Variants in AIRIM observed in about 807,000 individuals in gnomAD.
AIRIM encodes AFG2 interacting ribosome maturation factor, also known as AFG2-interacting ribosome maturation factor.
At chr1:37,684,962 A>G in the AIRIM span, among the ~76,000 whole-genome samples, 46 of 152,160 alleles carry the variant, frequency 3.0e-4, 2 homozygotes, top group South Asian at 8.5e-3. Context: ...GTTCAAGACC[A>G]GCCTGGTCAA....
At chr1:37,686,406 G>A in the AIRIM span, 103 of 1,613,936 alleles carry the variant, frequency 6.4e-5, no homozygotes, top group Middle Eastern at 1.7e-4. Context: ...TGAAACACTC[G>A]CTCCACATGG....
chr1:37,689,360 TTC>T, the AIRIM span, among the ~76,000 whole-genome samples: 1 of 152,142 alleles, frequency 6.6e-6, no homozygotes, highest in South Asian at 2.1e-4. Flanking sequence ...TCCGCTCCTT[TTC>T]TCTTCTTCTT....
chr1:37,685,780 G>A, the AIRIM span, among the ~76,000 whole-genome samples: 7 of 152,114 alleles, frequency 4.6e-5, no homozygotes, highest in African/African-American at 1.7e-4. Context: ...TCATGCTCCA[G>A]TCTAGCCTCC....
the AIRIM span, chr1:37,689,968 C>T: frequency 1.4e-6 from 2 of 1,463,332 alleles, no homozygotes; most frequent in Non-Finnish European, 1.8e-6. Flanking sequence ...TGGGCGTCAT[C>T]TCTGTTATCG....
At chr1:37,688,019 G>C in the AIRIM span, among the ~76,000 whole-genome samples, 2 of 151,824 alleles carry the variant, frequency 1.3e-5, no homozygotes, top group Non-Finnish European at 2.9e-5. Flanking sequence ...GCCATACCCA[G>C]CTGATCTCAT....
At chr1:37,691,554 C>T in the AIRIM span, 1 of 155,518 alleles carries the variant, frequency 6.4e-6, no homozygotes, top group East Asian at 1.9e-4. Flanking sequence ...CCTTCTGGGT[C>T]TCAGCACAAC....
chr1:37,687,338 G>C, the AIRIM span, among the ~76,000 whole-genome samples: 1 of 151,502 alleles, frequency 6.6e-6, no homozygotes, highest in African/African-American at 2.4e-5. Flanking sequence ...CTCCATGTTG[G>C]TCAGGCTGGT....
chr1:37,690,438 C>T, the AIRIM span: 1 of 1,263,532 alleles, frequency 7.9e-7, no homozygotes, highest in Non-Finnish European at 1.0e-6. Flanking sequence ...CGGTCGCCTT[C>T]CTGAAAAAGC....
At chr1:37,682,834 A>G in the AIRIM span, 3 of 356,392 alleles carry the variant, frequency 8.4e-6, no homozygotes, top group Admixed American at 1.3e-4. Flanking sequence ...GAAAGACACT[A>G]TGTTCTTCAG....
the AIRIM span, chr1:37,689,695 C>T: frequency 6.2e-7 from 1 of 1,614,086 alleles, no homozygotes; most frequent in South Asian, 1.1e-5. Context: ...AGGCCCGAAG[C>T]GCCGGCACAT....
the AIRIM span, among the ~76,000 whole-genome samples, chr1:37,685,199 G>GC: frequency 7.9e-6 from 1 of 126,886 alleles, no homozygotes; most frequent in Non-Finnish European, 1.7e-5. Flanking sequence ...TTTTGGGGGG[G>GC]GGGGGTGGGC....
the AIRIM span, chr1:37,691,420 AG>A: frequency 6.6e-6 from 1 of 152,558 alleles, no homozygotes; most frequent in Non-Finnish European, 1.5e-5. Flanking sequence ...CCGCATCCAC[AG>A]GTGAAAAGCA....
At chr1:37,686,191 T>C in the AIRIM span, 1 of 1,328,636 alleles carries the variant, frequency 7.5e-7, no homozygotes, top group Non-Finnish European at 1.0e-6. Context: ...TCAAACTACT[T>C]AGTTTTCCAA....
the AIRIM span, among the ~76,000 whole-genome samples, chr1:37,684,372 G>A: frequency 1.3e-5 from 2 of 152,208 alleles, no homozygotes; most frequent in Non-Finnish European, 2.9e-5. Context: ...GCGGTGGCTC[G>A]AGCCTGTAAT....
chr1:37,689,089 T>G, the AIRIM span, among the ~76,000 whole-genome samples: 1 of 152,128 alleles, frequency 6.6e-6, no homozygotes. Flanking sequence ...AAAGTGGTGA[T>G]TAAGAGCTCT....
chr1:37,685,541 C>A, the AIRIM span, among the ~76,000 whole-genome samples: 4 of 152,052 alleles, frequency 2.6e-5, no homozygotes, highest in African/African-American at 9.7e-5. Context: ...GCACATACCA[C>A]CATGCCTGGC....
At chr1:37,690,308 C>T in the AIRIM span, 1 of 1,291,008 alleles carries the variant, frequency 7.7e-7, no homozygotes, top group African/African-American at 1.5e-5. Flanking sequence ...TGAAGGAGAC[C>T]CTGGTTTCCC....
At chr1:37,686,322 C>T in the AIRIM span, 7 of 1,613,852 alleles carry the variant, frequency 4.3e-6, no homozygotes, top group East Asian at 1.3e-4. Context: ...AACATGTCAG[C>T]CACAGAGGGG....
chr1:37,681,774 A>G, the AIRIM span: 2 of 152,254 alleles, frequency 1.3e-5, no homozygotes, highest in Non-Finnish European at 2.9e-5. Flanking sequence ...AAAATCTAAG[A>G]AAAAAGGTAA....
Sources: gnomAD v4.1 joint callset for allele counts (sites outside exome capture counted in the v4.1 genomes callset) on GRCh38, gnomAD v4.1.1 for gene constraint, MANE v1.5 for transcripts, NCBI Gene and HGNC (gene_info 2026-07-23, HGNC 2026-07-21) for gene names.